The following ATP9B variants were observed in gnomAD, a reference collection of about 807,000 sequenced individuals.
ATP9B encodes the protein ATPase phospholipid transporting 9B, also known as probable phospholipid-transporting ATPase IIB.
Under a neutral mutation model 146.1 loss-of-function variants are expected in ATP9B, and 110 were observed. That is an observed-to-expected ratio of 0.75 (90% CI 0.65 to 0.88). The LOEUF is 0.88. Ranked by LOEUF, ATP9B falls within the 40% of genes least tolerant of loss-of-function variation. The probability of loss-of-function intolerance (pLI) is 0.00; values close to 1 mark genes in which losing one functional copy is unlikely to be tolerated. For synonymous variants in ATP9B, 604 were observed against 569.7 expected (o/e 1.06, Z -0.86); for missense variants, 1,499 against 1,496.4 (o/e 1.00, Z -0.03).
At position 79,270,330 on chromosome 18, in the gene ATP9B, GTGTA is replaced by G. The variant is rs2096242925; in HGVS notation, c.1269-6723_1269-6720del. ...TGTGTGTGTGTGTGTCTGTGTGTGT[GTGTA>G]CACTGTGTATATGTTTGTACTGCTA... On this transcript the variant is annotated intron_variant, in intron 12 of 29. Coordinates refer to ENST00000426216, the MANE Select transcript of ATP9B (RefSeq NM_198531.5). 4.6e-5 allele frequency among the ~76,000 whole-genome samples: 7 copies of G among 152,158 alleles called. No individual in the cohort carries two copies. In the South Asian group the frequency reaches 1.5e-3, roughly 32 times the overall value.
chr18:79,149,565 A>T (rs1234676537), intron 6 of ATP9B, among the ~76,000 whole-genome samples: 1 of 152,194 alleles, frequency 6.6e-6, no homozygotes, highest in Non-Finnish European at 1.5e-5. Flanking sequence ...AAATTGATAA[A>T]TTGCATATCA....
At chr18:79,171,286 G>A (rs1568325254) in intron 7 of ATP9B, among the ~76,000 whole-genome samples, 1 of 152,102 alleles carries the variant, frequency 6.6e-6, no homozygotes, top group Non-Finnish European at 1.5e-5. Flanking sequence ...CAAAATTTAA[G>A]ACTGTTCATG....
intron 5 of ATP9B, among the ~76,000 whole-genome samples, chr18:79,132,458 C>A (rs191176366): frequency 6.6e-6 from 1 of 152,090 alleles, no homozygotes; most frequent in African/African-American, 2.4e-5. Flanking sequence ...AATAGTTTGC[C>A]CTGAGCCACA....
chr18:79,365,016 C>G (rs992153287), intron 26 of ATP9B, among the ~76,000 whole-genome samples: 1 of 142,778 alleles, frequency 7.0e-6, no homozygotes, highest in Non-Finnish European at 1.5e-5. Context: ...GGTGACAGAG[C>G]GAGACCTTGT....
Position 79,345,484 on chromosome 18 carries a change from C to T in ATP9B, c.2529C>T (p.Ala843=), listed in dbSNP as rs779841483. 2.9e-5 allele frequency: 47 copies of T among 1,613,828 alleles called. No homozygotes were observed. The highest frequency in any genetic ancestry group is 1.4e-4 in the South Asian group (13 of 91,082). The stretch of plus-strand genomic sequence containing the variant: ...TGGAGCTGGCCTGCCAGTGCCCTGC[C>T]GTGGTTTGCTGCCGCTGCTCACCCA... ...EFVELACQCP[A]VVCCRCSPTQ... Residue 843 remains alanine, a synonymous_variant, in exon 22 of 30, where the codon GCC becomes GCT. Coordinates refer to ENST00000426216, the MANE Select transcript of ATP9B (RefSeq NM_198531.5).
intron 4 of ATP9B, among the ~76,000 whole-genome samples, chr18:79,118,390 G>GTTTTTTTTTTTTTTTTTTTTT (rs752788043): frequency 1.1e-5 from 1 of 93,238 alleles, no homozygotes; most frequent in Non-Finnish European, 2.2e-5. Flanking sequence ...GAACGTTTTT[G>GTTTTTTTTTTTTTTTTTTTTT]TTTTTTTTTT....
intron 10 of ATP9B, among the ~76,000 whole-genome samples, chr18:79,212,601 GCAAAACAGAAA>G (rs1253892180): frequency 6.6e-6 from 1 of 152,098 alleles, no homozygotes; most frequent in East Asian, 1.9e-4. Flanking sequence ...AACTAGATTG[GCAAAACAGAAA>G]ATACTGATCA....
chr18:79,353,456 T>C (rs1110936), intron 25 of ATP9B: 142,603 of 152,360 alleles, frequency 0.94, 66,831 homozygotes, highest in East Asian at 1. Flanking sequence ...AAGAGCTGCA[T>C]TGTGTCCATA....
intron 26 of ATP9B, chr18:79,359,704 A>G (rs1424733998): frequency 4.2e-6 from 2 of 479,708 alleles, no homozygotes; most frequent in Non-Finnish European, 3.8e-6. Flanking sequence ...TAAAGCTCTA[A>G]TATCATACAT....
At chr18:79,134,872 C>T (rs2094429826) in intron 5 of ATP9B, among the ~76,000 whole-genome samples, 1 of 152,024 alleles carries the variant, frequency 6.6e-6, no homozygotes, top group Admixed American at 6.5e-5. Flanking sequence ...GTGATTTTTA[C>T]TTTAATCTTG....
At chr18:79,232,616 T>C (rs2095802783) in intron 11 of ATP9B, among the ~76,000 whole-genome samples, 1 of 152,154 alleles carries the variant, frequency 6.6e-6, no homozygotes, top group Non-Finnish European at 1.5e-5. Flanking sequence ...AAATAAGCAG[T>C]CTGAAGAAAC....
At chr18:79,247,818 T>C (rs2095983421) in intron 11 of ATP9B, among the ~76,000 whole-genome samples, 2 of 152,326 alleles carry the variant, frequency 1.3e-5, no homozygotes, top group Non-Finnish European at 1.5e-5. Flanking sequence ...ATAATAACTA[T>C]ATAGCAAGCA....
chr18:79,100,075 C>T (rs112259321), intron 2 of ATP9B, among the ~76,000 whole-genome samples: 2,497 of 152,162 alleles, frequency 0.016, 77 homozygotes, highest in African/African-American at 0.057. Flanking sequence ...TGCAGTGAGC[C>T]GAGATCATGC....
intron 6 of ATP9B, 23 bp downstream of exon 6, chr18:79,143,883 T>G (rs1212412842): frequency 1.3e-6 from 2 of 1,487,012 alleles, no homozygotes; most frequent in African/African-American, 1.4e-5. Flanking sequence ...TTAATATATT[T>G]TAGACCTATG....
chr18:79,094,771 T>C (rs1182359682), intron 1 of ATP9B, among the ~76,000 whole-genome samples: 1 of 152,224 alleles, frequency 6.6e-6, no homozygotes, highest in Non-Finnish European at 1.5e-5. Flanking sequence ...TTTAGATACC[T>C]GGAGCTAAGC....
At chr18:79,158,792 G>T (rs2094834437) in intron 7 of ATP9B, among the ~76,000 whole-genome samples, 2 of 152,142 alleles carry the variant, frequency 1.3e-5, no homozygotes, top group African/African-American at 4.8e-5. Flanking sequence ...GTATGCACTT[G>T]AGGAAAATCT....
At chr18:79,180,848 AG>A in intron 8 of ATP9B, among the ~76,000 whole-genome samples, 1 of 151,820 alleles carries the variant, frequency 6.6e-6, no homozygotes, top group Admixed American at 6.6e-5. Flanking sequence ...GCTTAAGTGC[AG>A]TAGTGCAATC....
chr18:79,137,021 A>G (rs150409134), intron 5 of ATP9B, among the ~76,000 whole-genome samples: 1 of 152,152 alleles, frequency 6.6e-6, no homozygotes, highest in African/African-American at 2.4e-5. Context: ...CTCCCACAAC[A>G]TGTGGGGAGT....
chr18:79,266,977 T>C (rs1245457083), intron 12 of ATP9B, among the ~76,000 whole-genome samples: 3 of 152,212 alleles, frequency 2.0e-5, no homozygotes, highest in Admixed American at 1.3e-4. Context: ...TATTTTTTTT[T>C]CTCATTTTCT....
Sources: allele counts gnomAD v4.1 joint callset (sites outside exome capture counted in the v4.1 genomes callset), GRCh38; gene constraint gnomAD v4.1.1; transcripts MANE v1.5; gene names NCBI Gene and HGNC (gene_info 2026-07-23, HGNC 2026-07-21).